AK8: variants seen among roughly 807,000 people sequenced by gnomAD.
AK8 encodes the protein adenylate kinase 8.
In AK8, 44 loss-of-function variants were observed where a neutral mutation model predicts 54.6. The ratio of observed to expected loss-of-function variants is 0.81; its 90% CI spans 0.63 to 1.04. AK8 has a LOEUF of 1.04. Ranked by LOEUF, AK8 falls within the 50% of genes least tolerant of loss-of-function variation. The pLI is 0.00. For synonymous variants in AK8, 239 were observed against 245.6 expected (o/e 0.97, Z 0.25); for missense variants, 555 against 613.6 (o/e 0.90, Z 1.01).
intron 10 of AK8, among the ~76,000 whole-genome samples, chr9:132,797,340 A>G (rs1481172966): frequency 6.6e-6 from 1 of 152,150 alleles, no homozygotes; most frequent in Non-Finnish European, 1.5e-5. Flanking sequence ...AAAGGGAACC[A>G]TTTCCAAAAC....
At position 132,763,725 on chromosome 9, in the gene AK8, G is replaced by A. The variant is rs578130972; in HGVS notation, c.1121+28909C>T. ...TCCACTCCACCCACTTGGCAGCGCT[G>A]GTGTCATTCTGAGCCTGTTCTGGTT... On this transcript the variant is annotated intron_variant, in intron 11 of 12. Coordinates refer to ENST00000298545, the MANE Select transcript of AK8 (RefSeq NM_152572.3). Among the ~76,000 whole-genome samples, 6 of 152,302 alleles carry A rather than the reference G, an allele frequency of 3.9e-5. 1 individual carries two copies. The South Asian group carries it at 1.2e-3, about 32-fold the overall frequency.
intron 10 of AK8, among the ~76,000 whole-genome samples, chr9:132,797,730 C>T (rs987841706): frequency 6.6e-6 from 1 of 152,076 alleles, no homozygotes; most frequent in Non-Finnish European, 1.5e-5. Flanking sequence ...TAAAGGAAAC[C>T]ATTTAATGCT....
intron 7 of AK8, among the ~76,000 whole-genome samples, chr9:132,827,604 A>T (rs1841927092): frequency 6.6e-6 from 1 of 151,890 alleles, no homozygotes; most frequent in Admixed American, 6.6e-5. Flanking sequence ...CGTCCCCTGC[A>T]ACACCTGCCA....
intron 11 of AK8, among the ~76,000 whole-genome samples, chr9:132,743,734 A>C (rs116864772): frequency 1.3e-5 from 2 of 152,200 alleles, no homozygotes; most frequent in African/African-American, 4.8e-5. Flanking sequence ...GGGCACTGGT[A>C]GTAAGCACGT....
chr9:132,759,195 C>CA (rs11354456), intron 11 of AK8, among the ~76,000 whole-genome samples: 3,809 of 82,498 alleles, frequency 0.046, 148 homozygotes, highest in African/African-American at 0.12. Context: ...GACCTGGTCT[C>CA]AAAAAAAAAA....
At chr9:132,835,470 C>G (rs1468031341) in intron 5 of AK8, among the ~76,000 whole-genome samples, 1 of 152,200 alleles carries the variant, frequency 6.6e-6, no homozygotes, top group Admixed American at 6.5e-5. Context: ...ACACTTTAGA[C>G]CATGTCTGTG....
At chr9:132,819,816 T>C (rs2131277791) in intron 9 of AK8, among the ~76,000 whole-genome samples, 1 of 152,132 alleles carries the variant, frequency 6.6e-6, no homozygotes, top group East Asian at 1.9e-4. Context: ...CACAATAGAA[T>C]TAAATTAGAA....
At chr9:132,756,060 C>T (rs1257003113) in intron 11 of AK8, among the ~76,000 whole-genome samples, 5 of 152,312 alleles carry the variant, frequency 3.3e-5, no homozygotes, top group East Asian at 3.9e-4. Flanking sequence ...AGCCACCACA[C>T]CTAGACTCAA....
At chr9:132,823,501 C>T (rs1360746554) in intron 8 of AK8, among the ~76,000 whole-genome samples, 165 bp from the exon 9 acceptor site, 1 of 152,188 alleles carries the variant, frequency 6.6e-6, no homozygotes, top group Non-Finnish European at 1.5e-5. Context: ...AAAAGAATTA[C>T]GTGGCAGGCC....
chr9:132,734,471 C>T (rs1325419428), intron 11 of AK8, among the ~76,000 whole-genome samples: 2 of 152,166 alleles, frequency 1.3e-5, no homozygotes, highest in Non-Finnish European at 2.9e-5. Context: ...GTATGGTACT[C>T]ACGCCTGTAA....
chr9:132,830,815 C>A (rs1034090978), intron 5 of AK8, among the ~76,000 whole-genome samples: 2 of 152,230 alleles, frequency 1.3e-5, no homozygotes, highest in African/African-American at 4.8e-5. Flanking sequence ...TCTTTGGATT[C>A]TGGCATTGTG....
intron 5 of AK8, among the ~76,000 whole-genome samples, chr9:132,843,827 C>A (rs761774330): frequency 1.3e-5 from 2 of 152,090 alleles, no homozygotes; most frequent in Non-Finnish European, 2.9e-5. Flanking sequence ...GACTTTGGTG[C>A]CTTTGGAACC....
chr9:132,855,037 A>G, intron 4 of AK8, 112 bp from the exon 5 acceptor site: 1 of 1,097,460 alleles, frequency 9.1e-7, no homozygotes, highest in South Asian at 1.3e-5. Flanking sequence ...AGCACCGACC[A>G]CCATCGGGCC....
At chr9:132,736,620 C>T (rs1349190708) in intron 11 of AK8, among the ~76,000 whole-genome samples, 1 of 151,130 alleles carries the variant, frequency 6.6e-6, no homozygotes, top group Non-Finnish European at 1.5e-5. Context: ...CCCGTCTCTA[C>T]TAAAAATACA....
intron 10 of AK8, among the ~76,000 whole-genome samples, chr9:132,795,578 C>T (rs1588139257): frequency 6.6e-6 from 1 of 152,138 alleles, no homozygotes. Context: ...AAGAAGAAAC[C>T]AATACAGAAA....
At chr9:132,846,803 C>T (rs753383735) in intron 5 of AK8, among the ~76,000 whole-genome samples, 3 of 152,226 alleles carry the variant, frequency 2.0e-5, no homozygotes, top group Non-Finnish European at 4.4e-5. Context: ...CCTGGTCTAC[C>T]CTGGCCAGCC....
intron 12 of AK8, among the ~76,000 whole-genome samples, chr9:132,726,616 C>A (rs1411232010): frequency 6.6e-6 from 1 of 152,166 alleles, no homozygotes; most frequent in East Asian, 1.9e-4. Context: ...TGCACTGAGT[C>A]CTGTGTTAAA....
intron 11 of AK8, among the ~76,000 whole-genome samples, chr9:132,754,316 C>T (rs1838086705): frequency 6.6e-6 from 1 of 152,166 alleles, no homozygotes; most frequent in Admixed American, 6.5e-5. Flanking sequence ...AGCAGGACTG[C>T]AGACATAAAT....
chr9:132,800,895 C>T (rs1332187333), intron 10 of AK8, among the ~76,000 whole-genome samples: 4 of 150,276 alleles, frequency 2.7e-5, no homozygotes, highest in Middle Eastern at 3.5e-3. Context: ...CAGAGATGCC[C>T]AACAGTGAAT....
Sources: allele counts gnomAD v4.1 joint callset (sites outside exome capture counted in the v4.1 genomes callset), GRCh38; gene constraint gnomAD v4.1.1; transcripts MANE v1.5; gene names NCBI Gene and HGNC (gene_info 2026-07-23, HGNC 2026-07-21).